Variants in IL1R1 observed in about 807,000 individuals in gnomAD.
IL1R1 encodes interleukin 1 receptor type 1.
Under a neutral mutation model 50.2 loss-of-function variants are expected in IL1R1, and 22 were observed. The ratio of observed to expected loss-of-function variants is 0.44; its 90% CI spans 0.31 to 0.63. IL1R1 has a LOEUF of 0.63. Among genes scored for constraint, IL1R1 ranks in the 20% least tolerant of loss-of-function variants. The probability of loss-of-function intolerance (pLI) is 0.07; values close to 1 mark genes in which losing one functional copy is unlikely to be tolerated. For missense variants in IL1R1, 509 were observed against 676.2 expected (o/e 0.75, Z 2.74); for synonymous variants, 251 against 236.7 (o/e 1.06, Z -0.55).
chr2:102,073,390 G>C (rs780699774), intron 1 of IL1R1, among the ~76,000 whole-genome samples: 10 of 152,178 alleles, frequency 6.6e-5, no homozygotes, highest in Non-Finnish European at 1.2e-4. Flanking sequence ...GTGAAGAAAA[G>C]CTGGGGTGGA....
At position 102,179,812 on chromosome 2, in the gene IL1R1, A is replaced by G. The variant is rs1322746666; in HGVS notation, c.*3053A>G. The stretch of plus-strand genomic sequence containing the variant: ...TTAAAGCACCAAATTCATGTACAGC[A>G]TGCATCACGGATCAATAGACTGTAC... On this transcript the variant is annotated 3_prime_UTR_variant, in exon 12 of 12. Coordinates refer to ENST00000410023, the MANE Select transcript of IL1R1 (RefSeq NM_000877.4). 1 of 152,768 alleles carries G rather than the reference A, an allele frequency of 6.5e-6. No homozygotes were observed. The highest frequency in any genetic ancestry group is 1.5e-5 in the Non-Finnish European group (1 of 68,038). The allele number at this position is 152,768 out of a possible 1,614,324, so 9.5% of individuals were successfully genotyped here.
At chr2:102,116,447 G>A (rs1314499024) in intron 1 of IL1R1, among the ~76,000 whole-genome samples, 1 of 152,218 alleles carries the variant, frequency 6.6e-6, no homozygotes, top group East Asian at 1.9e-4. Context: ...TTAAGGGGAA[G>A]TGAGATTTTG....
chr2:102,115,791 CATT>C (rs1189645924), intron 1 of IL1R1, among the ~76,000 whole-genome samples: 1 of 152,228 alleles, frequency 6.6e-6, no homozygotes, highest in South Asian at 2.1e-4. Flanking sequence ...AAGAGGTAGA[CATT>C]AGGGAAACTT....
At chr2:102,112,229 T>C (rs1373032652) in intron 1 of IL1R1, among the ~76,000 whole-genome samples, 1 of 151,986 alleles carries the variant, frequency 6.6e-6, no homozygotes, top group African/African-American at 2.4e-5. Flanking sequence ...AGACAAAATA[T>C]TGTTGATCAG....
At position 102,176,934 on chromosome 2, in the gene IL1R1, C is replaced by G; in HGVS notation, c.*175C>G. ...ATAAGCCATGACGTCAATAGCAGCC[C>G]AGGGCACTTCAGAGTAGAGGGCTTG... is the stretch of plus-strand genomic sequence containing the variant. On this transcript the variant is annotated 3_prime_UTR_variant, in exon 12 of 12. Transcript: ENST00000410023. 4 of 639,532 alleles carry G rather than the reference C, an allele frequency of 6.3e-6. No individual in the cohort carries two copies. In the South Asian group the frequency reaches 8.2e-5, roughly 13 times the overall value. The allele number at this position is 639,532 out of a possible 1,614,324, so 39.6% of individuals were successfully genotyped here.
intron 1 of IL1R1, among the ~76,000 whole-genome samples, chr2:102,073,202 A>G (rs1317084968): frequency 6.6e-6 from 1 of 152,176 alleles, no homozygotes; most frequent in East Asian, 1.9e-4. Context: ...TTCCACAGCT[A>G]TTTCATGAGG....
At chr2:102,165,686 G>A (rs1471373672) in intron 5 of IL1R1, among the ~76,000 whole-genome samples, 1 of 152,104 alleles carries the variant, frequency 6.6e-6, no homozygotes, top group Non-Finnish European at 1.5e-5. Context: ...TCTGAAAAGT[G>A]GGTTGACTAG....
At chr2:102,115,297 C>T (rs1681008173) in intron 1 of IL1R1, among the ~76,000 whole-genome samples, 1 of 152,154 alleles carries the variant, frequency 6.6e-6, no homozygotes, top group East Asian at 1.9e-4. Flanking sequence ...ATAGTGATTG[C>T]CAAATCCTGC....
At chr2:102,151,279 C>T (rs959985935) in intron 1 of IL1R1, among the ~76,000 whole-genome samples, 9 of 152,084 alleles carry the variant, frequency 5.9e-5, no homozygotes, top group East Asian at 1.9e-4. Context: ...TATATGATTC[C>T]GGCCATCTCC....
rs143886143 is a variant in IL1R1, at chr2:102,072,850, C to T, written c.-84+2317C>T. On this transcript the variant is annotated intron_variant, in intron 1 of 11. Coordinates refer to the IL1R1 transcript ENST00000409929. ...ATGAGAAATTTTCCTTTACCATTTC[C>T]GAGTTTAATGTCATGCTAAGTCCTT... 1.8e-4 allele frequency among the ~76,000 whole-genome samples: 28 copies of T among 152,056 alleles called. No individual in the cohort carries two copies. In the East Asian group the frequency reaches 2.3e-3, roughly 13 times the overall value.
rs1347596703 is a variant in IL1R1, at chr2:102,071,004, A to G, written c.-84+471A>G. Among the ~76,000 whole-genome samples the G allele has an allele frequency of 2.0e-5, 3 of 152,172 alleles. No individual in the cohort carries two copies. In the East Asian group the frequency reaches 5.8e-4, roughly 29 times the overall value. On this transcript the variant is annotated intron_variant, in intron 1 of 11. Transcript: ENST00000409929. ...AGACATGGAACTGTCAAAAAGGATTAAAAGTTAAATAAGGATAAGGTTATG... is the reference window on the plus strand; with the variant it reads ...AGACATGGAACTGTCAAAAAGGATTGAAAGTTAAATAAGGATAAGGTTATG...
intron 1 of IL1R1, among the ~76,000 whole-genome samples, chr2:102,132,498 A>G (rs1682093959): frequency 6.6e-6 from 1 of 152,188 alleles, no homozygotes; most frequent in Non-Finnish European, 1.5e-5. Context: ...AAATTGTCAA[A>G]TTGGTGACCA....
intron 1 of IL1R1, among the ~76,000 whole-genome samples, chr2:102,124,704 G>A (rs1681599212): frequency 6.6e-6 from 1 of 152,076 alleles, no homozygotes; most frequent in Admixed American, 6.5e-5. Flanking sequence ...AATCACTTAA[G>A]GTCAGGAGTT....
chr2:102,078,025 G>C (rs1193142132), intron 1 of IL1R1, among the ~76,000 whole-genome samples: 5 of 152,032 alleles, frequency 3.3e-5, no homozygotes, highest in African/African-American at 9.7e-5. Context: ...TAAGATTAAA[G>C]AAAATGAAAG....
chr2:102,138,656 C>T (rs905376304), upstream of IL1R1, among the ~76,000 whole-genome samples: 17 of 151,848 alleles, frequency 1.1e-4, no homozygotes, highest in Non-Finnish European at 1.6e-4. Flanking sequence ...AAAAGTAAGG[C>T]GAAATGTAGA....
chr2:102,125,476 A>G (rs1006661207), intron 1 of IL1R1, among the ~76,000 whole-genome samples: 14 of 152,176 alleles, frequency 9.2e-5, no homozygotes, highest in African/African-American at 3.1e-4. Flanking sequence ...AGTTTCTGGC[A>G]TGGGTTGAGG....
At chr2:102,112,262 C>G (rs1357269674) in intron 1 of IL1R1, among the ~76,000 whole-genome samples, 2 of 151,358 alleles carry the variant, frequency 1.3e-5, no homozygotes, top group African/African-American at 4.9e-5. Flanking sequence ...ATTTCGGCGG[C>G]AAAACTGTCC....
At chr2:102,169,201 A>C (rs1377008408) in intron 7 of IL1R1, among the ~76,000 whole-genome samples, 1 of 152,210 alleles carries the variant, frequency 6.6e-6, no homozygotes, top group Non-Finnish European at 1.5e-5. Context: ...GAGTCGGAAG[A>C]GTAAGGCTAC....
At chr2:102,085,332 GCTTTA>G (rs1559453647) in intron 1 of IL1R1, among the ~76,000 whole-genome samples, 2 of 152,038 alleles carry the variant, frequency 1.3e-5, no homozygotes, top group African/African-American at 4.8e-5. Flanking sequence ...TTCTTTAAAG[GCTTTA>G]TTGTTTTACT....
Sources: gnomAD v4.1 joint callset for allele counts (sites outside exome capture counted in the v4.1 genomes callset) on GRCh38, gnomAD v4.1.1 for gene constraint, MANE v1.5 for transcripts, NCBI Gene and HGNC (gene_info 2026-07-23, HGNC 2026-07-21) for gene names.